RARB: variants seen among roughly 807,000 people sequenced by gnomAD.
RARB encodes HBV-activated protein.
In RARB, 17 loss-of-function variants were observed where a neutral mutation model predicts 51.9. The ratio of observed to expected loss-of-function variants is 0.33; its 90% CI spans 0.22 to 0.49. RARB has a LOEUF of 0.49. Ranked by LOEUF, RARB falls within the 20% of genes least tolerant of loss-of-function variation. The pLI, the probability that RARB is intolerant of heterozygous loss-of-function variation, is 0.99. For synonymous variants in RARB, 215 were observed against 195.4 expected (o/e 1.10, Z -0.84); for missense variants, 369 against 550.8 (o/e 0.67, Z 3.30).
intron 5 of RARB, among the ~76,000 whole-genome samples, chr3:25,226,901 T>C (rs561642314): frequency 2.0e-5 from 3 of 152,356 alleles, no homozygotes; most frequent in African/African-American, 4.8e-5. Flanking sequence ...TCTCTCACAA[T>C]TGAAAACATG....
chr3:25,056,699 C>T (rs1378876543), intron 2 of RARB, among the ~76,000 whole-genome samples: 2 of 151,942 alleles, frequency 1.3e-5, no homozygotes, highest in Admixed American at 1.3e-4. Flanking sequence ...GATATACATA[C>T]CTGTATATAT....
intron 4 of RARB, among the ~76,000 whole-genome samples, chr3:25,172,422 T>G (rs1476417247): frequency 6.6e-6 from 1 of 152,120 alleles, no homozygotes; most frequent in Admixed American, 6.5e-5. Flanking sequence ...ATAAAAAATA[T>G]CTGCCTTAAA....
intron 4 of RARB, among the ~76,000 whole-genome samples, chr3:25,140,176 T>G (rs564597254): frequency 3.9e-5 from 6 of 152,188 alleles, no homozygotes; most frequent in Admixed American, 6.6e-5. Flanking sequence ...TAGGCCTTAT[T>G]ATTTAATAAA....
intron 2 of RARB, among the ~76,000 whole-genome samples, chr3:24,952,247 T>G (rs1231058752): frequency 2.8e-5 from 2 of 72,116 alleles, no homozygotes; most frequent in African/African-American, 6.8e-5. Context: ...GTAACATTTG[T>G]TTTTTTTTAG....
intron 5 of RARB, among the ~76,000 whole-genome samples, chr3:25,185,919 T>A (rs1471420127): frequency 6.6e-6 from 1 of 152,164 alleles, no homozygotes; most frequent in Non-Finnish European, 1.5e-5. Flanking sequence ...GCTAACATCA[T>A]CTTTAGTACT....
chr3:25,231,841 T>C (rs1238037527), intron 5 of RARB, among the ~76,000 whole-genome samples: 1 of 152,192 alleles, frequency 6.6e-6, no homozygotes, highest in Non-Finnish European at 1.5e-5. Context: ...CTTGCAACTA[T>C]TTCTTTTCAC....
intron 5 of RARB, among the ~76,000 whole-genome samples, chr3:25,373,270 GAA>G (rs760187772): frequency 1.3e-5 from 2 of 152,064 alleles, no homozygotes; most frequent in South Asian, 2.1e-4. Flanking sequence ...TTCTGAGAGA[GAA>G]AGAAAGACAG....
chr3:25,500,930 T>A (rs992162044), intron 2 of RARB, among the ~76,000 whole-genome samples: 1 of 152,204 alleles, frequency 6.6e-6, no homozygotes, highest in South Asian at 2.1e-4. Context: ...TAAATCAGCT[T>A]GGAATTAACT....
chr3:25,587,225 C>T (rs1234495843), intron 5 of RARB, among the ~76,000 whole-genome samples: 3 of 152,154 alleles, frequency 2.0e-5, no homozygotes, highest in African/African-American at 7.2e-5. Flanking sequence ...AATCATCAGT[C>T]TTGAGTAAGC....
At chr3:25,200,130 T>A (rs1264389630) in intron 5 of RARB, among the ~76,000 whole-genome samples, 1 of 152,168 alleles carries the variant, frequency 6.6e-6, no homozygotes, top group Non-Finnish European at 1.5e-5. Context: ...TTTTTAATGA[T>A]CTCCATTCTA....
chr3:24,958,054 T>G (rs1475893388), intron 2 of RARB, among the ~76,000 whole-genome samples: 1 of 152,172 alleles, frequency 6.6e-6, no homozygotes, highest in Non-Finnish European at 1.5e-5. Flanking sequence ...ACCAAAATCC[T>G]AAAAATTTAA....
rs570341080 is a variant in RARB at position 25,396,239 on chromosome 3, C to G, written c.179-64954C>G. On this transcript the variant is annotated intron_variant, in intron 5 of 11. Transcript: ENST00000383772. ...TCTTCAGGCCTCTCAGCCATGGATACCAGCACGTGCTCTGGTGGAGGTAGC... is the reference window on the plus strand; with the variant it reads ...TCTTCAGGCCTCTCAGCCATGGATAGCAGCACGTGCTCTGGTGGAGGTAGC... 2.0e-5 allele frequency among the ~76,000 whole-genome samples: 3 copies of G among 152,322 alleles called. No homozygotes were observed. In the South Asian group the frequency reaches 6.2e-4, roughly 32 times the overall value.
chr3:24,914,893 A>G (rs963459894), intron 2 of RARB, among the ~76,000 whole-genome samples: 2 of 152,170 alleles, frequency 1.3e-5, no homozygotes, highest in African/African-American at 2.4e-5. Context: ...GTGCACTATA[A>G]ATGTACCTCA....
At chr3:25,386,517 A>G (rs1223723563) in intron 5 of RARB, among the ~76,000 whole-genome samples, 1 of 152,220 alleles carries the variant, frequency 6.6e-6, no homozygotes, top group Non-Finnish European at 1.5e-5. Context: ...TGAAGTCACA[A>G]AACTACTCGA....
At position 25,472,561 on chromosome 3, in the gene RARB, C is replaced by G. The variant is rs117281013; in HGVS notation, c.306+11220C>G. ...AAGTAGGTGGAATCGATTGTTTCCC[C>G]CTCCATTTCACAGATGAGGAAACTA... On this transcript the variant is annotated intron_variant, in intron 2 of 7. Coordinates refer to ENST00000330688, the MANE Select transcript of RARB (RefSeq NM_000965.5). Among the ~76,000 whole-genome samples, 237 of 152,216 alleles carry G rather than the reference C, an allele frequency of 1.6e-3. 5 individuals are homozygous for G. The East Asian group carries it at 0.041, about 26-fold the overall frequency.
At chr3:25,073,945 C>T (rs745666807) in intron 3 of RARB, among the ~76,000 whole-genome samples, 2 of 152,070 alleles carry the variant, frequency 1.3e-5, no homozygotes, top group East Asian at 3.9e-4. Context: ...TGGTAAATCA[C>T]GCTTTTATCC....
chr3:24,912,772 T>C (rs1025691173), intron 2 of RARB, among the ~76,000 whole-genome samples: 2 of 152,088 alleles, frequency 1.3e-5, no homozygotes, highest in Non-Finnish European at 2.9e-5. Flanking sequence ...AATTATCATA[T>C]AGAAAAGGAG....
intron 5 of RARB, among the ~76,000 whole-genome samples, chr3:25,414,109 C>T (rs569764857): frequency 2.6e-5 from 4 of 152,136 alleles, no homozygotes; most frequent in Non-Finnish European, 4.4e-5. Context: ...CCACTGATTT[C>T]CTTGCTGCCA....
Position 25,331,851 on chromosome 3 carries a change from C to T in RARB, c.179-129342C>T, listed in dbSNP as rs1437892812. Among the ~76,000 whole-genome samples, 6 of 151,950 alleles carry T rather than the reference C, an allele frequency of 3.9e-5. No individual in the cohort carries two copies. The East Asian group carries it at 7.7e-4, about 20-fold the overall frequency. ...AAAATGATAAAGGGGATATCACCAC[C>T]GATCCCACAGAAATACAAACTACCA... On this transcript the variant is annotated intron_variant, in intron 5 of 11. Coordinates refer to the RARB transcript ENST00000383772.
Sources: allele counts gnomAD v4.1 joint callset (sites outside exome capture counted in the v4.1 genomes callset), GRCh38; gene constraint gnomAD v4.1.1; transcripts MANE v1.5; gene names NCBI Gene and HGNC (gene_info 2026-07-23, HGNC 2026-07-21).